The following SYCP1 variants were observed in gnomAD, a reference collection of about 807,000 sequenced individuals.
The protein encoded by SYCP1 is synaptonemal complex protein 1.
SYCP1 carries 64 observed loss-of-function variants against 153.1 expected under a neutral mutation model. The observed-to-expected ratio is 0.42, with a 90% confidence interval of 0.34 to 0.51. The LOEUF (loss-of-function observed/expected upper bound fraction) is 0.51. Ranked by LOEUF, SYCP1 falls within the 20% of genes least tolerant of loss-of-function variation. SYCP1 has a pLI of 0.06. For synonymous variants in SYCP1, 384 were observed against 341.8 expected (o/e 1.12, Z -1.36); for missense variants, 997 against 1,049.0 (o/e 0.95, Z 0.68).
In SYCP1 at chr1:114,874,503, T is replaced by C. The variant is rs766711547; in HGVS notation, c.599-3T>C. Reference sequence around the variant, plus strand: ...AATCTTGAAATTTTTATATTAACAATAGATGAATATGAACGGGAAGAAACC... The same window carrying C: ...AATCTTGAAATTTTTATATTAACAACAGATGAATATGAACGGGAAGAAACC... On this transcript the variant is annotated splice_polypyrimidine_tract_variant and splice_region_variant and intron_variant, in intron 8 of 31. Transcript: ENST00000369522. 2 of 1,528,132 alleles carry C rather than the reference T, an allele frequency of 1.3e-6. No individual in the cohort carries two copies. Among genetic ancestry groups the C allele is most frequent in the South Asian group, 1.2e-5 (1 of 83,270 alleles). The allele number at this position is 1,528,132 out of a possible 1,614,324, so 94.7% of individuals were successfully genotyped here.
At chr1:114,855,964 A>G (rs1663909876) in intron 2 of SYCP1, among the ~76,000 whole-genome samples, 1 of 152,216 alleles carries the variant, frequency 6.6e-6, no homozygotes, top group African/African-American at 2.4e-5. Context: ...TCGTGTTGTG[A>G]CTGAGCTTCA....
At chr1:114,979,359 C>T (rs116261446) in intron 28 of SYCP1, among the ~76,000 whole-genome samples, 1 of 151,490 alleles carries the variant, frequency 6.6e-6, no homozygotes, top group Non-Finnish European at 1.5e-5. Context: ...ATAGCACATG[C>T]CTTATAAATG....
At chr1:114,923,109 C>T (rs1232588291) in intron 20 of SYCP1, among the ~76,000 whole-genome samples, 3 of 152,174 alleles carry the variant, frequency 2.0e-5, no homozygotes, top group Non-Finnish European at 4.4e-5. Context: ...TATTTAGTTT[C>T]TCTTTTTTAA....
In SYCP1 at chr1:114,977,697, G is replaced by A. The variant is rs754173995; in HGVS notation, c.2382+81G>A. On this transcript the variant is annotated intron_variant, in intron 28 of 31. Coordinates refer to ENST00000369522, the MANE Select transcript of SYCP1 (RefSeq NM_003176.4). ...CTTAGAAATGATTTTTTGTTTATAA[G>A]TAGGAAAATAACATTTTACATATAT... is the stretch of plus-strand genomic sequence containing the variant. The A allele has an allele frequency of 4.4e-6, 4 of 909,362 alleles. No individual in the cohort carries two copies. The African/African-American group carries it at 5.2e-5, about 12-fold the overall frequency. The allele number at this position is 909,362 out of a possible 1,614,324, so 56.3% of individuals were successfully genotyped here.
At chr1:114,969,561 T>C (rs993242684) in intron 27 of SYCP1, among the ~76,000 whole-genome samples, 11 of 152,198 alleles carry the variant, frequency 7.2e-5, no homozygotes, top group African/African-American at 2.7e-4. Context: ...TTGAAGCCAG[T>C]GGATCTTAGC....
At chr1:114,873,629 C>G (rs756212710) in intron 8 of SYCP1, among the ~76,000 whole-genome samples, 2 of 152,190 alleles carry the variant, frequency 1.3e-5, no homozygotes, top group Non-Finnish European at 1.5e-5. Context: ...TAGTTCAAAA[C>G]GGCTTTTCCT....
chr1:114,957,048 T>TTTG (rs912498235), intron 27 of SYCP1, among the ~76,000 whole-genome samples: 13 of 145,796 alleles, frequency 8.9e-5, no homozygotes, highest in South Asian at 2.2e-4. Context: ...ATGGCCAGGT[T>TTTG]TTGTTGTTGT....
intron 12 of SYCP1, among the ~76,000 whole-genome samples, chr1:114,881,652 C>A (rs1288557924): frequency 1.3e-5 from 2 of 152,006 alleles, no homozygotes; most frequent in Non-Finnish European, 2.9e-5. Flanking sequence ...CAGGCAGATG[C>A]CACCACACCT....
chr1:114,907,889 A>G (rs980217246), intron 16 of SYCP1, among the ~76,000 whole-genome samples: 2 of 152,110 alleles, frequency 1.3e-5, no homozygotes, highest in African/African-American at 2.4e-5. Flanking sequence ...GTTGTCATAT[A>G]TATTACACCT....
At chr1:114,929,280 G>A (rs371383748) in intron 23 of SYCP1, among the ~76,000 whole-genome samples, 6 of 152,008 alleles carry the variant, frequency 3.9e-5, no homozygotes, top group Middle Eastern at 3.4e-3. Flanking sequence ...AACTCCAAAG[G>A]GAGGGCAGAG....
At chr1:114,941,352 C>A (rs1670373473) in intron 23 of SYCP1, among the ~76,000 whole-genome samples, 1 of 151,960 alleles carries the variant, frequency 6.6e-6, no homozygotes, top group Admixed American at 6.6e-5. Flanking sequence ...GATAAACTTG[C>A]CTTAGAGCAA....
chr1:114,909,678 A>G (rs1362835660), intron 16 of SYCP1, among the ~76,000 whole-genome samples: 4 of 152,206 alleles, frequency 2.6e-5, no homozygotes, highest in African/African-American at 9.7e-5. Context: ...AGACATAAAA[A>G]TCTGACTTCC....
chr1:114,987,217 A>G (rs1326990272), intron 30 of SYCP1, among the ~76,000 whole-genome samples: 3 of 152,034 alleles, frequency 2.0e-5, no homozygotes, highest in Non-Finnish European at 4.4e-5. Flanking sequence ...AAAAGACGGG[A>G]GAAGACCATA....
chr1:114,890,323 T>G (rs1262482105), intron 15 of SYCP1, among the ~76,000 whole-genome samples: 7 of 151,688 alleles, frequency 4.6e-5, no homozygotes, highest in South Asian at 4.1e-4. Flanking sequence ...TTTTATGTTT[T>G]AAATATGTTT....
chr1:114,901,258 G>GA (rs148339817), intron 16 of SYCP1, among the ~76,000 whole-genome samples: 1 of 151,914 alleles, frequency 6.6e-6, no homozygotes, highest in South Asian at 2.1e-4. Context: ...TTAGTCAACT[G>GA]AAAAAAACCT....
intron 10 of SYCP1, 50 bp from the exon 11 acceptor site, chr1:114,876,687 G>A: frequency 1.0e-6 from 1 of 971,294 alleles, no homozygotes; most frequent in Non-Finnish European, 1.4e-6. Context: ...TAATAGAAAT[G>A]TTATAAAATT....
chr1:114,934,363 A>G (rs1224777982), intron 23 of SYCP1, among the ~76,000 whole-genome samples: 1 of 152,204 alleles, frequency 6.6e-6, no homozygotes, highest in Non-Finnish European at 1.5e-5. Flanking sequence ...AAATGCTGAG[A>G]GATTTTGTCA....
chr1:114,981,550 T>A, intron 29 of SYCP1, 38 bp downstream of exon 29: 4 of 1,504,258 alleles, frequency 2.7e-6, no homozygotes, highest in Non-Finnish European at 3.6e-6. Context: ...AGTAATTTTT[T>A]AAATAAATAA....
chr1:114,959,638 C>A (rs1465901939), intron 27 of SYCP1, among the ~76,000 whole-genome samples: 1 of 152,070 alleles, frequency 6.6e-6, no homozygotes, highest in African/African-American at 2.4e-5. Flanking sequence ...TGGCCATAAT[C>A]ACCCTATTGT....
Sources: allele counts gnomAD v4.1 joint callset (sites outside exome capture counted in the v4.1 genomes callset), GRCh38; gene constraint gnomAD v4.1.1; transcripts MANE v1.5; gene names NCBI Gene and HGNC (gene_info 2026-07-23, HGNC 2026-07-21).